CFAP77: variants seen among roughly 807,000 people sequenced by gnomAD.
The protein encoded by CFAP77 is cilia and flagella associated protein 77, also known as cilia- and flagella-associated protein 77.
A neutral mutation model predicts 31.1 loss-of-function variants in CFAP77; 25 were observed. That is an observed-to-expected ratio of 0.80 (90% CI 0.59 to 1.12). The LOEUF (loss-of-function observed/expected upper bound fraction) is 1.12. CFAP77 is among the 50% of genes most tolerant of loss of function. The pLI, the probability that CFAP77 is intolerant of heterozygous loss-of-function variation, is 0.00. For synonymous variants in CFAP77, 151 were observed against 159.9 expected (o/e 0.94, Z 0.42); for missense variants, 377 against 397.3 (o/e 0.95, Z 0.44).
At chr9:132,531,629 G>A (rs60161803) in intron 3 of CFAP77, among the ~76,000 whole-genome samples, 2 of 148,960 alleles carry the variant, frequency 1.3e-5, no homozygotes, top group Non-Finnish European at 3.0e-5. Context: ...AAGACATGGG[G>A]GGGGGGGCAT....
chr9:132,464,365 A>G (rs1244462578), intron 1 of CFAP77, among the ~76,000 whole-genome samples: 1 of 152,096 alleles, frequency 6.6e-6, no homozygotes, highest in African/African-American at 2.4e-5. Context: ...CCAATTTAAA[A>G]AAAAAACCGG....
intron 5 of CFAP77, among the ~76,000 whole-genome samples, chr9:132,543,919 A>G (rs1346010129): frequency 6.6e-6 from 1 of 152,186 alleles, no homozygotes; most frequent in African/African-American, 2.4e-5. Context: ...ATTTGGGAAC[A>G]GTGGCTTCAG....
intron 1 of CFAP77, among the ~76,000 whole-genome samples, chr9:132,470,208 C>T (rs1851231590): frequency 6.6e-6 from 1 of 152,194 alleles, no homozygotes; most frequent in African/African-American, 2.4e-5. Context: ...ACAGTCGCAA[C>T]AGTCATTGGG....
intron 5 of CFAP77, among the ~76,000 whole-genome samples, chr9:132,566,364 A>G (rs1448259473): frequency 6.6e-6 from 1 of 152,146 alleles, no homozygotes; most frequent in Non-Finnish European, 1.5e-5. Flanking sequence ...CCACTTTCCC[A>G]TCTGTAAAAT....
chr9:132,533,364 T>C (rs1487401862), intron 3 of CFAP77, among the ~76,000 whole-genome samples: 2 of 152,146 alleles, frequency 1.3e-5, no homozygotes, highest in Non-Finnish European at 2.9e-5. Context: ...CAAATTACCA[T>C]GAACTTGGTG....
chr9:132,455,714 G>C lies in CFAP77; in HGVS notation c.196-42981G>C, dbSNP rs112953209. ...CTACTGCACTCTGGCCTGGGTGACAGAGCAAGACTGTCTCAAAAACAAAAC... is the reference window on the plus strand; with the variant it reads ...CTACTGCACTCTGGCCTGGGTGACACAGCAAGACTGTCTCAAAAACAAAAC... On this transcript the variant is annotated intron_variant, in intron 1 of 5. Coordinates refer to ENST00000393216, the MANE Select transcript of CFAP77 (RefSeq NM_001282957.2). The surrounding 1 kb of genome is among the most constrained non-coding windows in gnomAD (Gnocchi z 4.1). Among the ~76,000 whole-genome samples the C allele has an allele frequency of 6.6e-6, 1 of 152,114 alleles. No homozygotes were observed. The highest frequency in any genetic ancestry group is 1.5e-5 in the Non-Finnish European group (1 of 68,018).
intron 1 of CFAP77, among the ~76,000 whole-genome samples, chr9:132,466,104 A>T (rs472211): frequency 0.48 from 72,533 of 151,538 alleles, 17,733 homozygotes; most frequent in East Asian, 0.74. Context: ...ACTTTTTTTT[A>T]AAGACATGGT....
intron 5 of CFAP77, among the ~76,000 whole-genome samples, chr9:132,546,843 CCT>C (rs1356319480): frequency 1.3e-5 from 2 of 152,228 alleles, no homozygotes; most frequent in Admixed American, 6.5e-5. Context: ...TCTCTCCAGA[CCT>C]CTGTTTCCTC....
intron 3 of CFAP77, among the ~76,000 whole-genome samples, chr9:132,515,666 C>T (rs1176462795): frequency 6.6e-6 from 1 of 152,118 alleles, no homozygotes; most frequent in Admixed American, 6.5e-5. Context: ...TTCTCTCTCC[C>T]CTCCTTGCCT....
At chr9:132,549,909 AT>A (rs797013665) in intron 5 of CFAP77, among the ~76,000 whole-genome samples, 5 of 152,308 alleles carry the variant, frequency 3.3e-5, no homozygotes, top group African/African-American at 1.2e-4. Flanking sequence ...GAGGTATAGA[AT>A]TTTTAGGCAC....
chr9:132,534,751 G>T (rs142000909), intron 3 of CFAP77, among the ~76,000 whole-genome samples: 1 of 152,052 alleles, frequency 6.6e-6, no homozygotes, highest in Non-Finnish European at 1.5e-5. Flanking sequence ...CCTCCAAACT[G>T]CACAAGGAGG....
At chr9:132,437,503 ATTTTTTTTT>A (rs763301010) in intron 1 of CFAP77, among the ~76,000 whole-genome samples, 2 of 90,470 alleles carry the variant, frequency 2.2e-5, no homozygotes, top group African/African-American at 9.2e-5. Flanking sequence ...CCACTTTTGC[ATTTTTTTTT>A]TTTTTTTTTT....
In CFAP77 at chr9:132,517,491, T is replaced by C. The variant is rs1852168418; in HGVS notation, c.524+17891T>C. On this transcript the variant is annotated intron_variant, in intron 3 of 5. Coordinates refer to ENST00000393216, the MANE Select transcript of CFAP77 (RefSeq NM_001282957.2). The surrounding 1 kb of genome is among the most constrained non-coding windows in gnomAD (Gnocchi z 4.7). ...ATTAGTAGTCACTGATGACCAATTA[T>C]TTTAGCCTGCTGTGAACGGAGAGCC... is the stretch of plus-strand genomic sequence containing the variant. 6.6e-6 allele frequency among the ~76,000 whole-genome samples: 1 copy of C among 152,236 alleles called. No individual in the cohort carries two copies.
At position 132,495,612 on chromosome 9, in the gene CFAP77, A is replaced by G. The variant is rs1851728717; in HGVS notation, c.196-3083A>G. Among the ~76,000 whole-genome samples, 1 of 152,178 alleles carries G rather than the reference A, an allele frequency of 6.6e-6. No homozygotes were observed. The highest frequency in any genetic ancestry group is 2.4e-5 in the African/African-American group (1 of 41,438). On this transcript the variant is annotated intron_variant, in intron 1 of 5. Transcript: ENST00000393216. The surrounding 1 kb of genome is among the most constrained non-coding windows in gnomAD (Gnocchi z 4.2). ...GGGTCTGGGATTTGAGATGGAAAAG[A>G]AGCGGAAGAAAAATGATCAACTGTT...
rs1003786043 is a variant in CFAP77 at position 132,545,864 on chromosome 9, C to A, written c.732+2817C>A. On this transcript the variant is annotated intron_variant, in intron 5 of 5. Coordinates refer to ENST00000393216, the MANE Select transcript of CFAP77 (RefSeq NM_001282957.2). This position sits in a 1 kb window ranked among gnomAD's most constrained non-coding sequence, Gnocchi z 4.6. ...GGGGTTTCCTAGCCCCAGGGCCTCC[C>A]GAGGACCCCTTCCCTCACCTCCAGG... 5.9e-5 allele frequency among the ~76,000 whole-genome samples: 9 copies of A among 152,128 alleles called. No individual in the cohort carries two copies. The highest frequency in any genetic ancestry group is 3.9e-4 in the Admixed American group (6 of 15,278).
At chr9:132,472,585 G>A (rs565338806) in intron 1 of CFAP77, among the ~76,000 whole-genome samples, 2 of 152,258 alleles carry the variant, frequency 1.3e-5, no homozygotes, top group Middle Eastern at 3.4e-3. Context: ...AGTGAGACCC[G>A]CATTTCTACA....
intron 1 of CFAP77, among the ~76,000 whole-genome samples, chr9:132,458,318 G>C (rs901505379): frequency 7.5e-6 from 1 of 132,964 alleles, no homozygotes. Flanking sequence ...TCACCGACAG[G>C]CCTCTCCACC....
At chr9:132,562,888 C>T (rs1443923267) in intron 5 of CFAP77, among the ~76,000 whole-genome samples, 2 of 151,916 alleles carry the variant, frequency 1.3e-5, no homozygotes, top group African/African-American at 4.8e-5. Flanking sequence ...TTAGTAGAGA[C>T]AGGGTTTCAT....
intron 3 of CFAP77, among the ~76,000 whole-genome samples, chr9:132,524,348 C>G (rs1024613242): frequency 2.6e-5 from 4 of 151,790 alleles, no homozygotes; most frequent in Non-Finnish European, 5.9e-5. Flanking sequence ...TGCCTGCAAT[C>G]CCAGCACTTT....
Sources: allele counts gnomAD v4.1 joint callset (sites outside exome capture counted in the v4.1 genomes callset), GRCh38; gene constraint gnomAD v4.1.1; non-coding constraint Gnocchi (gnomAD v3.1); transcripts MANE v1.5; gene names NCBI Gene and HGNC (gene_info 2026-07-23, HGNC 2026-07-21).